Variants in PADI2 observed in about 807,000 individuals in gnomAD.
PADI2 encodes the protein peptidyl arginine deiminase 2.
A neutral mutation model predicts 81.1 loss-of-function variants in PADI2; 70 were observed. The observed-to-expected ratio is 0.86, with a 90% CI of 0.71 to 1.05. The LOEUF is 1.05. Among genes scored for constraint, PADI2 ranks in the 50% least tolerant of loss-of-function variants. The pLI is 0.00. For missense variants in PADI2, 853 were observed against 889.9 expected, an observed-to-expected ratio of 0.96 and a Z score of 0.53; for synonymous variants, 338 against 358.0, an observed-to-expected ratio of 0.94 and a Z score of 0.63.
intron 13 of PADI2, among the ~76,000 whole-genome samples, chr1:17,074,495 A>T (rs1209633476): frequency 6.6e-6 from 1 of 152,028 alleles, no homozygotes; most frequent in Admixed American, 6.5e-5. Context: ...TCAGCCTCCA[A>T]AGGTGTTGGA....
intron 3 of PADI2, among the ~76,000 whole-genome samples, chr1:17,098,682 A>G (rs1931032708): frequency 6.6e-6 from 1 of 152,064 alleles, no homozygotes; most frequent in African/African-American, 2.4e-5. Flanking sequence ...CCAGCCTCTC[A>G]CAGGGCTTCA....
chr1:17,101,751 C>T (rs1010865755), intron 3 of PADI2, among the ~76,000 whole-genome samples: 2 of 152,154 alleles, frequency 1.3e-5, no homozygotes, highest in African/African-American at 4.8e-5. Flanking sequence ...TTCTGAGACC[C>T]CCCCTGAGAA....
At chr1:17,083,668 C>G in intron 9 of PADI2, 58 bp downstream of exon 9, 1 of 1,069,368 alleles carries the variant, frequency 9.4e-7, no homozygotes, top group South Asian at 1.2e-5. Context: ...ATGAAGCCAA[C>G]TCTTCTTTGC....
intron 3 of PADI2, among the ~76,000 whole-genome samples, chr1:17,098,369 G>C (rs1931021524): frequency 6.6e-6 from 1 of 152,204 alleles, no homozygotes; most frequent in African/African-American, 2.4e-5. Context: ...TAAAGCAGTG[G>C]GGCCGTGGGC....
Position 17,115,987 on chromosome 1 carries a change from AG to A in PADI2, c.92+3292del, listed in dbSNP as rs1931743164. Among the ~76,000 whole-genome samples the A allele has an allele frequency of 6.6e-6, 1 of 152,212 alleles. No homozygotes were observed. Among genetic ancestry groups the A allele is most frequent in the African/African-American group, 2.4e-5 (1 of 41,448 alleles). Reference sequence around the variant, plus strand: ...TGCTGGGAGAGCGTGGGTGGCCCAGAGCACCCCTGCCCATGGTGGCCTGGAT... The same window carrying A: ...TGCTGGGAGAGCGTGGGTGGCCCAGACACCCCTGCCCATGGTGGCCTGGAT... On this transcript the variant is annotated intron_variant, in intron 1 of 15. Transcript: ENST00000375486. This position sits in a 1 kb window ranked among gnomAD's most constrained non-coding sequence, Gnocchi z 4.1.
intron 1 of PADI2, among the ~76,000 whole-genome samples, chr1:17,114,970 G>C (rs1183035733): frequency 6.6e-6 from 1 of 152,102 alleles, no homozygotes; most frequent in Non-Finnish European, 1.5e-5. Context: ...ATGGGGAGGG[G>C]AGCCCATAGC....
At chr1:17,083,531 A>T (rs2078362333) in intron 9 of PADI2, 195 bp downstream of exon 9, 2 of 569,820 alleles carry the variant, frequency 3.5e-6, no homozygotes, top group East Asian at 5.7e-5. Flanking sequence ...GTTGCTTTGC[A>T]ATCTTTTGCT....
chr1:17,071,509 CAG>C lies in PADI2; in HGVS notation c.1550-20_1550-19del, dbSNP rs767116243. 1 of 1,601,110 alleles carries C rather than the reference CAG, an allele frequency of 6.2e-7. No homozygotes were observed. The highest frequency in any genetic ancestry group is 1.7e-5 in the Admixed American group (1 of 59,996). On this transcript the variant is annotated intron_variant, in intron 13 of 15. Transcript: ENST00000375486. Reference sequence around the variant, plus strand: ...ACCCAAGCCTGTGGGGTTCAAAGGACAGGGGATGGTCAAGCTTTAGATACCCA... The same window carrying C: ...ACCCAAGCCTGTGGGGTTCAAAGGACGGGATGGTCAAGCTTTAGATACCCA...
At chr1:17,070,248 G>C (rs1315619320) in intron 14 of PADI2, 32 bp from the exon 15 acceptor site, 2 of 1,611,192 alleles carry the variant, frequency 1.2e-6, no homozygotes, top group Admixed American at 1.7e-5. Context: ...GGGCATGCAG[G>C]TGAGGGGGAC....
At chr1:17,083,550 A>C in intron 9 of PADI2, 176 bp downstream of exon 9, 2 of 586,108 alleles carry the variant, frequency 3.4e-6, no homozygotes, top group East Asian at 2.8e-5. Context: ...CTACTACAAG[A>C]AGCAGCACTG....
chr1:17,072,906 A>G (rs2078274112), intron 13 of PADI2, among the ~76,000 whole-genome samples: 1 of 152,174 alleles, frequency 6.6e-6, no homozygotes, highest in Admixed American at 6.5e-5. Context: ...TCAGGACTCA[A>G]GCTTGCCAAT....
At chr1:17,108,677 C>G (rs1931468960) in intron 1 of PADI2, among the ~76,000 whole-genome samples, 1 of 152,058 alleles carries the variant, frequency 6.6e-6, no homozygotes, top group Non-Finnish European at 1.5e-5. Context: ...TTAGGTGGCA[C>G]AGGGAGGAAC....
At chr1:17,110,796 G>A (rs1455787349) in intron 1 of PADI2, among the ~76,000 whole-genome samples, 1 of 152,180 alleles carries the variant, frequency 6.6e-6, no homozygotes, top group African/African-American at 2.4e-5. Context: ...CCATCCATTT[G>A]CCCCCACAGT....
At chr1:17,096,008 C>G in intron 3 of PADI2, 38 bp from the exon 4 acceptor site, 2 of 1,537,902 alleles carry the variant, frequency 1.3e-6, no homozygotes, top group Non-Finnish European at 1.8e-6. Context: ...CTGAGCCTGC[C>G]AGGCAGGGCA....
At position 17,093,680 on chromosome 1, in the gene PADI2, G is replaced by T. The variant is rs1359770937; in HGVS notation, c.416C>A (p.Ser139Tyr). 1 of 1,596,566 alleles carries T rather than the reference G, an allele frequency of 6.3e-7. No individual in the cohort carries two copies. The highest frequency in any genetic ancestry group is 1.7e-5 in the Admixed American group (1 of 59,962). ...CTGGCCCTCGGGGCCCCAGGTCCAG[G>T]ATGCCTACAGTGGCAGGAAGAAAGG... ...VVEKNNPKKA[S>Y]WTWGPEGQGA... The change falls in exon 5 of 16, where the codon TCC (serine) becomes TAC (tyrosine). Residue 139 changes from serine (S) to tyrosine (Y), a missense_variant. Transcript: ENST00000375486.
intron 1 of PADI2, among the ~76,000 whole-genome samples, chr1:17,112,372 A>G (rs1368195912): frequency 2.0e-5 from 3 of 152,104 alleles, no homozygotes; most frequent in Non-Finnish European, 4.4e-5. Context: ...ACTTGAGGGC[A>G]TGAAGCGCCT....
chr1:17,095,266 T>G (rs1273461701), intron 4 of PADI2, among the ~76,000 whole-genome samples: 1 of 152,148 alleles, frequency 6.6e-6, no homozygotes, highest in Non-Finnish European at 1.5e-5. Context: ...GAGAACACCA[T>G]GCCGTCTGCA....
chr1:17,110,209 C>G (rs1023957502), intron 1 of PADI2, among the ~76,000 whole-genome samples: 2 of 152,216 alleles, frequency 1.3e-5, no homozygotes, highest in Admixed American at 6.5e-5. Flanking sequence ...CTGGATTGTC[C>G]CTGGAGGCTG....
chr1:17,107,312 G>A (rs1293382104), intron 1 of PADI2, among the ~76,000 whole-genome samples: 2 of 152,184 alleles, frequency 1.3e-5, no homozygotes, highest in Non-Finnish European at 2.9e-5. Context: ...GAAGGCTGTA[G>A]ATTTGTAGAT....
Sources: gnomAD v4.1 joint callset for allele counts (sites outside exome capture counted in the v4.1 genomes callset) on GRCh38, gnomAD v4.1.1 for gene constraint, Gnocchi (gnomAD v3.1) non-coding constraint, MANE v1.5 for transcripts, NCBI Gene and HGNC (gene_info 2026-07-23, HGNC 2026-07-21) for gene names.